The following SYNDIG1 variants were observed in gnomAD, a reference collection of about 807,000 sequenced individuals.
SYNDIG1 encodes the protein synapse differentiation inducing 1.
A neutral mutation model predicts 19.4 loss-of-function variants in SYNDIG1; 9 were observed. The ratio of observed to expected loss-of-function variants is 0.46; its 90% confidence interval spans 0.28 to 0.81. SYNDIG1 has a LOEUF of 0.81. SYNDIG1 is among the 30% of genes least tolerant of loss of function. The pLI is 0.12. For synonymous variants in SYNDIG1, 141 were observed against 145.9 expected (o/e 0.97, Z 0.24); for missense variants, 311 against 343.3 (o/e 0.91, Z 0.74).
Position 24,665,271 on chromosome 20 carries a change from C to T in SYNDIG1, c.619-75C>T, listed in dbSNP as rs1230127743. 2.3e-5 allele frequency: 35 copies of T among 1,511,470 alleles called. No homozygotes were observed. In the South Asian group the frequency reaches 3.0e-4, roughly 13 times the overall value. 93.6% of individuals were successfully genotyped at this position (1,511,470 alleles called of 1,614,324 possible). ...CAATGCCTTTTTCTGAATCAGGAGCCGTAGATGAGCCCTCCACTCACTGCT... is the reference window on the plus strand; with the variant it reads ...CAATGCCTTTTTCTGAATCAGGAGCTGTAGATGAGCCCTCCACTCACTGCT... On this transcript the variant is annotated intron_variant, in intron 3 of 3. Coordinates refer to ENST00000376862, the MANE Select transcript of SYNDIG1 (RefSeq NM_024893.3).
chr20:24,534,622 C>T (rs749107231), intron 1 of SYNDIG1, among the ~76,000 whole-genome samples: 15 of 152,224 alleles, frequency 9.9e-5, no homozygotes, highest in Non-Finnish European at 1.8e-4. Flanking sequence ...TTCAAGGCAG[C>T]TTTGTCTCGC....
intron 3 of SYNDIG1, among the ~76,000 whole-genome samples, chr20:24,664,976 G>A (rs935661221): frequency 2.0e-5 from 3 of 152,108 alleles, no homozygotes; most frequent in Non-Finnish European, 4.4e-5. Context: ...ACCATTCTTG[G>A]GTAGAAAGAG....
At chr20:24,551,875 G>A (rs1031152619) in intron 2 of SYNDIG1, among the ~76,000 whole-genome samples, 4 of 152,126 alleles carry the variant, frequency 2.6e-5, no homozygotes, top group African/African-American at 9.7e-5. Context: ...TAAATTGATT[G>A]AGACTTGATA....
chr20:24,520,420 G>A (rs1368901663), intron 1 of SYNDIG1, among the ~76,000 whole-genome samples: 2 of 152,250 alleles, frequency 1.3e-5, no homozygotes, highest in Middle Eastern at 3.4e-3. Context: ...TTCAGGCCAG[G>A]TGCGGTGGCT....
chr20:24,569,101 G>A (rs766590133), intron 2 of SYNDIG1, among the ~76,000 whole-genome samples: 11 of 152,174 alleles, frequency 7.2e-5, no homozygotes, highest in South Asian at 2.1e-4. Flanking sequence ...TTTTGGTGTC[G>A]GAAATACGAA....
At chr20:24,553,524 C>T (rs376251139) in intron 2 of SYNDIG1, among the ~76,000 whole-genome samples, 4 of 152,210 alleles carry the variant, frequency 2.6e-5, no homozygotes, top group Admixed American at 1.3e-4. Context: ...CAGCTTTCTA[C>T]ATATGGCTAG....
chr20:24,660,648 C>T (rs909000155), intron 3 of SYNDIG1, among the ~76,000 whole-genome samples: 3 of 152,252 alleles, frequency 2.0e-5, no homozygotes, highest in African/African-American at 7.2e-5. Flanking sequence ...CTTGTGCTCT[C>T]GTACACGGCT....
At chr20:24,553,280 A>T (rs907016997) in intron 2 of SYNDIG1, among the ~76,000 whole-genome samples, 1 of 152,022 alleles carries the variant, frequency 6.6e-6, no homozygotes, top group African/African-American at 2.4e-5. Context: ...CTCTGATGGT[A>T]GTTTCTTTTG....
At chr20:24,506,653 T>C (rs186593575) in intron 1 of SYNDIG1, among the ~76,000 whole-genome samples, 6 of 152,272 alleles carry the variant, frequency 3.9e-5, no homozygotes, top group African/African-American at 9.6e-5. Context: ...GGGCCTAATC[T>C]GGGATGGGCC....
chr20:24,643,445 T>C (rs1431960776), intron 3 of SYNDIG1, among the ~76,000 whole-genome samples: 1 of 152,202 alleles, frequency 6.6e-6, no homozygotes, highest in Non-Finnish European at 1.5e-5. Flanking sequence ...TAGAGTGCCG[T>C]GTTCATGAGA....
At chr20:24,538,082 A>G (rs2146683552) in intron 1 of SYNDIG1, among the ~76,000 whole-genome samples, 1 of 152,248 alleles carries the variant, frequency 6.6e-6, no homozygotes, top group African/African-American at 2.4e-5. Flanking sequence ...ATTTTAGTTC[A>G]GTTTAATTGA....
intron 3 of SYNDIG1, among the ~76,000 whole-genome samples, chr20:24,646,475 C>T (rs1056057767): frequency 1.3e-5 from 2 of 152,150 alleles, no homozygotes; most frequent in Non-Finnish European, 2.9e-5. Flanking sequence ...TTAGCTCCTT[C>T]GACAGCTGCC....
intron 2 of SYNDIG1, among the ~76,000 whole-genome samples, chr20:24,572,054 A>G (rs1458362495): frequency 2.0e-5 from 3 of 152,170 alleles, no homozygotes; most frequent in African/African-American, 7.2e-5. Context: ...ACACTGTTAC[A>G]TTACTTCTCT....
intron 2 of SYNDIG1, among the ~76,000 whole-genome samples, chr20:24,543,829 C>G (rs1421019273): frequency 6.6e-6 from 1 of 152,188 alleles, no homozygotes; most frequent in East Asian, 1.9e-4. Flanking sequence ...CAGGTAATGG[C>G]TGCAGATGGC....
chr20:24,653,800 T>A (rs1216094721), intron 3 of SYNDIG1, among the ~76,000 whole-genome samples: 1 of 152,198 alleles, frequency 6.6e-6, no homozygotes, highest in African/African-American at 2.4e-5. Context: ...CTGAGGCCAC[T>A]CTCCTTCATG....
chr20:24,665,652 T>G lies in SYNDIG1; in HGVS notation c.*148T>G. 8.6e-7 allele frequency: 1 copy of G among 1,168,192 alleles called. No homozygotes were observed. The highest frequency in any genetic ancestry group is 1.2e-6 in the Non-Finnish European group (1 of 841,144). The allele number at this position is 1,168,192 out of a possible 1,614,324, so 72.4% of individuals were successfully genotyped here. A position where few individuals can be genotyped will look rare whatever the true frequency, so the allele number is the denominator to read the frequency against. The stretch of plus-strand genomic sequence containing the variant: ...TTTCCTACCCATGGATTTATTTTGT[T>G]TTTATCCTTTAATTTCATGTTCACA... On this transcript the variant is annotated 3_prime_UTR_variant, in exon 4 of 4. Transcript: ENST00000376862.
chr20:24,601,116 T>G (rs1008185394), intron 3 of SYNDIG1, among the ~76,000 whole-genome samples: 6 of 152,378 alleles, frequency 3.9e-5, no homozygotes, highest in Admixed American at 3.3e-4. Flanking sequence ...TATTTTCCTT[T>G]AATCTACTAA....
At chr20:24,470,440 C>G (rs1388562895) in intron 1 of SYNDIG1, among the ~76,000 whole-genome samples, 5 of 151,124 alleles carry the variant, frequency 3.3e-5, no homozygotes, top group African/African-American at 1.2e-4. Flanking sequence ...TGTCTGGCCC[C>G]TGGCAGCCGC....
chr20:24,655,711 A>G (rs1600834594), intron 3 of SYNDIG1, among the ~76,000 whole-genome samples: 1 of 151,954 alleles, frequency 6.6e-6, no homozygotes, highest in Non-Finnish European at 1.5e-5. Flanking sequence ...AAATATATAC[A>G]TACACTTATC....
Sources: gnomAD v4.1 joint callset for allele counts (sites outside exome capture counted in the v4.1 genomes callset) on GRCh38, gnomAD v4.1.1 for gene constraint, MANE v1.5 for transcripts, NCBI Gene and HGNC (gene_info 2026-07-23, HGNC 2026-07-21) for gene names.